The following CELF2 variants were observed in gnomAD, a reference collection of about 807,000 sequenced individuals.
The protein encoded by CELF2 is CUGBP Elav-like family member 2.
CELF2 carries 8 observed loss-of-function variants against 62.6 expected under a neutral mutation model. The observed-to-expected ratio is 0.13, with a 90% CI of 0.07 to 0.23. The LOEUF is 0.23. Ranked by LOEUF, CELF2 falls within the 10% of genes least tolerant of loss-of-function variation. CELF2 has a pLI of 1.00. For missense variants in CELF2, 333 were observed against 671.0 expected (o/e 0.50, Z 5.56); for synonymous variants, 258 against 250.0 (o/e 1.03, Z -0.30).
chr10:11,272,699 C>T (rs1200372833), intron 7 of CELF2, among the ~76,000 whole-genome samples: 1 of 152,186 alleles, frequency 6.6e-6, no homozygotes, highest in Non-Finnish European at 1.5e-5. Context: ...TCTTTCTTGG[C>T]CATGTTTGTC....
rs150360464 is a variant in CELF2, at chr10:11,055,626, A to G, written c.74+37463A>G. Among the ~76,000 whole-genome samples, 283 of 152,340 alleles carry G rather than the reference A, an allele frequency of 1.9e-3. 1 individual carries two copies. Among genetic ancestry groups the G allele is most frequent in the African/African-American group, 6.2e-3 (259 of 41,562 alleles). ...TCGTTCTAAACCTGATATTCTGTGCAGTGGTTTCTGAAGTGGAAAGACATT... is the reference window on the plus strand; with the variant it reads ...TCGTTCTAAACCTGATATTCTGTGCGGTGGTTTCTGAAGTGGAAAGACATT... On this transcript the variant is annotated intron_variant, in intron 1 of 12. Coordinates refer to ENST00000633077, the MANE Select transcript of CELF2 (RefSeq NM_001326342.2).
chr10:10,565,171 G>A, the CELF2 span, among the ~76,000 whole-genome samples: 2 of 152,226 alleles, frequency 1.3e-5, no homozygotes, highest in African/African-American at 4.8e-5. Context: ...ATTCAGTCAA[G>A]TGGCCCAGGC....
At position 11,008,477 on chromosome 10, in the gene CELF2, G is replaced by A. The variant is rs997348020; in HGVS notation, c.53+3037G>A. Among the ~76,000 whole-genome samples, 21 of 152,154 alleles carry A rather than the reference G, an allele frequency of 1.4e-4. No individual in the cohort carries two copies. Among genetic ancestry groups the A allele is most frequent in the African/African-American group, 4.3e-4 (18 of 41,430 alleles). Reference sequence around the variant, plus strand: ...AAATCTCCTTTTGGGGCTGAAAAACGAAAGTGAGCATTTGATTAGTATTCA... The same window carrying A: ...AAATCTCCTTTTGGGGCTGAAAAACAAAAGTGAGCATTTGATTAGTATTCA... On this transcript the variant is annotated intron_variant, in intron 1 of 12. Coordinates refer to the CELF2 transcript ENST00000416382. This position sits in a 1 kb window ranked among gnomAD's most constrained non-coding sequence, Gnocchi z 4.5.
intron 2 of CELF2, among the ~76,000 whole-genome samples, chr10:10,989,281 G>A (rs573967931): frequency 3.9e-5 from 6 of 152,018 alleles, no homozygotes; most frequent in Non-Finnish European, 7.4e-5. Flanking sequence ...CTTGAAGTTC[G>A]CTTTGAAAGG....
chr10:10,587,535 A>T, the CELF2 span, among the ~76,000 whole-genome samples: 9,529 of 152,234 alleles, frequency 0.063, 971 homozygotes, highest in African/African-American at 0.22. Context: ...CATCTTTCAC[A>T]TAGCAATAAA....
intron 4 of CELF2, among the ~76,000 whole-genome samples, chr10:11,256,184 A>G (rs908399710): frequency 8.5e-5 from 13 of 152,298 alleles, no homozygotes; most frequent in East Asian, 3.9e-4. Context: ...TTAAAATTAC[A>G]TTTTAGAAAA....
chr10:10,572,768 C>T, the CELF2 span, among the ~76,000 whole-genome samples: 115 of 152,234 alleles, frequency 7.6e-4, no homozygotes, highest in African/African-American at 2.7e-3. Context: ...CGATGATGGG[C>T]ATTTGGGTTG....
the CELF2 span, among the ~76,000 whole-genome samples, chr10:10,525,624 T>A: frequency 6.6e-6 from 1 of 152,226 alleles, no homozygotes; most frequent in East Asian, 1.9e-4. Context: ...TATTTTAATG[T>A]CCTCCAAGTT....
At chr10:11,036,002 T>C (rs2060887835) in intron 1 of CELF2, among the ~76,000 whole-genome samples, 1 of 152,226 alleles carries the variant, frequency 6.6e-6, no homozygotes. Context: ...ACACTGTATA[T>C]ATCAAGTATA....
At chr10:10,654,915 G>C in the CELF2 span, among the ~76,000 whole-genome samples, 13 of 147,882 alleles carry the variant, frequency 8.8e-5, no homozygotes, top group Non-Finnish European at 1.9e-4. Flanking sequence ...ATTAGGAAAA[G>C]AGGAAGTCAA....
At chr10:10,920,511 A>C (rs1047501017) in intron 2 of CELF2, among the ~76,000 whole-genome samples, 9 of 152,222 alleles carry the variant, frequency 5.9e-5, no homozygotes, top group Admixed American at 1.3e-4. Flanking sequence ...TAGTAATATT[A>C]TATCATAGAA....
At chr10:10,724,194 T>G in the CELF2 span, among the ~76,000 whole-genome samples, 4 of 152,358 alleles carry the variant, frequency 2.6e-5, no homozygotes, top group African/African-American at 9.6e-5. Flanking sequence ...CTTTTTTACA[T>G]TAACCATGTC....
At chr10:10,585,403 C>T in the CELF2 span, among the ~76,000 whole-genome samples, 3 of 151,262 alleles carry the variant, frequency 2.0e-5, no homozygotes, top group East Asian at 5.9e-4. Context: ...CCTTTCTCTA[C>T]CTTGGGTCAT....
chr10:10,770,572 C>T, the CELF2 span, among the ~76,000 whole-genome samples: 729 of 152,138 alleles, frequency 4.8e-3, 4 homozygotes, highest in African/African-American at 1.0e-2. Context: ...ACAGAGAGAG[C>T]TGGAATCATA....
rs2066090850 is a variant in CELF2 at position 10,931,813 on chromosome 10, A to G, written c.89+11814A>G. Among the ~76,000 whole-genome samples, 1 of 152,204 alleles carries G rather than the reference A, an allele frequency of 6.6e-6. No homozygotes were observed. The highest frequency in any genetic ancestry group is 1.5e-5 in the Non-Finnish European group (1 of 68,038). The stretch of plus-strand genomic sequence containing the variant: ...ACCCACAACTGAGTAATTTATAAAG[A>G]CATGAGGTTTAATGGACTCACAGTT... On this transcript the variant is annotated intron_variant, in intron 2 of 13. Transcript: ENST00000636488. This position sits in a 1 kb window ranked among gnomAD's most constrained non-coding sequence, Gnocchi z 6.1.
chr10:10,698,863 C>T, the CELF2 span, among the ~76,000 whole-genome samples: 2 of 152,188 alleles, frequency 1.3e-5, no homozygotes, highest in South Asian at 2.1e-4. Context: ...TTAATCATCA[C>T]TCTTGATTAT....
rs1036375958 is a variant in CELF2, at chr10:11,285,187, G to A, written c.842-3231G>A. ...TAGATGGACGAGCAAATATGGATCC[G>A]CCTCCTTGATTGGTTCTGACTAACT... On this transcript the variant is annotated intron_variant, in intron 8 of 12. Transcript: ENST00000633077. The surrounding 1 kb of genome is among the most constrained non-coding windows in gnomAD (Gnocchi z 4.3). Among the ~76,000 whole-genome samples the A allele has an allele frequency of 3.5e-4, 53 of 152,060 alleles. No individual in the cohort carries two copies. The highest frequency in any genetic ancestry group is 2.7e-3 in the Admixed American group (41 of 15,272).
upstream of CELF2, among the ~76,000 whole-genome samples, chr10:10,793,732 T>G (rs1034832171): frequency 6.6e-6 from 1 of 152,222 alleles, no homozygotes; most frequent in Admixed American, 6.5e-5. Flanking sequence ...AAAGGGCCTT[T>G]TTATGTTTGG....
chr10:10,663,142 G>T, the CELF2 span, among the ~76,000 whole-genome samples: 2 of 152,156 alleles, frequency 1.3e-5, no homozygotes, highest in South Asian at 4.1e-4. Flanking sequence ...AGAGGTGAAC[G>T]TGAAAAACCT....
Sources: allele counts gnomAD v4.1 joint callset (sites outside exome capture counted in the v4.1 genomes callset), GRCh38; gene constraint gnomAD v4.1.1; non-coding constraint Gnocchi (gnomAD v3.1); transcripts MANE v1.5; gene names NCBI Gene and HGNC (gene_info 2026-07-23, HGNC 2026-07-21).